MYO1H: variants seen among roughly 807,000 people sequenced by gnomAD.
The protein encoded by MYO1H is unconventional myosin-Ih.
MYO1H carries 118 observed loss-of-function variants against 149.3 expected under a neutral mutation model. That is an observed-to-expected ratio of 0.79 (90% CI 0.68 to 0.92). The LOEUF (loss-of-function observed/expected upper bound fraction) is 0.92. Among genes scored for constraint, MYO1H ranks in the 40% least tolerant of loss-of-function variants. The probability of loss-of-function intolerance (pLI) is 0.00; values close to 1 mark genes in which losing one functional copy is unlikely to be tolerated. For synonymous variants in MYO1H, 447 were observed against 465.2 expected (o/e 0.96, Z 0.50); for missense variants, 1,212 against 1,280.7 (o/e 0.95, Z 0.82).
intron 1 of MYO1H, among the ~76,000 whole-genome samples, chr12:109,358,974 C>G (rs75564693): frequency 0.032 from 4,805 of 151,834 alleles, 263 homozygotes; most frequent in African/African-American, 0.11. Flanking sequence ...GAATATACAC[C>G]CAGCCCATCA....
At chr12:109,368,211 G>A (rs1019304953) in intron 1 of MYO1H, among the ~76,000 whole-genome samples, 2 of 152,304 alleles carry the variant, frequency 1.3e-5, no homozygotes, top group East Asian at 3.9e-4. Context: ...AGGACTGTCC[G>A]CTCCTCAAGG....
intron 7 of MYO1H, among the ~76,000 whole-genome samples, chr12:109,405,020 G>A (rs548818854): frequency 6.6e-6 from 1 of 152,050 alleles, no homozygotes; most frequent in East Asian, 1.9e-4. Flanking sequence ...AGACTAGCCT[G>A]GGGAACATAG....
chr12:109,358,960 C>T (rs1868675514), intron 1 of MYO1H, among the ~76,000 whole-genome samples: 1 of 150,632 alleles, frequency 6.6e-6, no homozygotes, highest in African/African-American at 2.5e-5. Context: ...CACAGGCATT[C>T]AAGGAATATA....
intron 5 of MYO1H, among the ~76,000 whole-genome samples, chr12:109,399,502 G>A (rs539867305): frequency 1.1e-4 from 16 of 146,166 alleles, no homozygotes; most frequent in Non-Finnish European, 2.2e-4. Context: ...TGAGGCATGA[G>A]AAACACTTGA....
At chr12:109,363,306 C>T (rs1466937295) in intron 1 of MYO1H, among the ~76,000 whole-genome samples, 2 of 152,326 alleles carry the variant, frequency 1.3e-5, no homozygotes, top group Non-Finnish European at 2.9e-5. Flanking sequence ...CCCACTTACC[C>T]AGTCCTGGTG....
exon 15 of MYO1H, chr12:109,415,573 A>G (rs750749981): frequency 6.2e-7 from 1 of 1,607,386 alleles, no homozygotes; most frequent in Non-Finnish European, 8.5e-7. Context: ...GGCTGGATGG[A>G]GTTCCGACTC....
chr12:109,347,525 TC>T (rs377423691), upstream of MYO1H, among the ~76,000 whole-genome samples: 2 of 152,316 alleles, frequency 1.3e-5, no homozygotes, highest in South Asian at 4.1e-4. Context: ...AACAGGTACT[TC>T]CAGCAGGAGT....
chr12:109,441,354 G>GA (rs1247337804), intron 25 of MYO1H, among the ~76,000 whole-genome samples: 2 of 152,304 alleles, frequency 1.3e-5, no homozygotes, highest in East Asian at 1.9e-4. Flanking sequence ...TGATCTACAA[G>GA]AAACTGCTCT....
chr12:109,349,658 CAAAAAAAA>C (rs398021025), intron 1 of MYO1H, among the ~76,000 whole-genome samples: 1 of 120,406 alleles, frequency 8.3e-6, no homozygotes, highest in African/African-American at 3.1e-5. Context: ...AACCCTGTCT[CAAAAAAAA>C]AAAAAAAAAA....
chr12:109,352,631 G>A (rs1439408352), intron 1 of MYO1H, among the ~76,000 whole-genome samples: 1 of 152,124 alleles, frequency 6.6e-6, no homozygotes, highest in Admixed American at 6.5e-5. Context: ...TAAACATACA[G>A]AAAAGAAGAA....
At chr12:109,412,238 GC>G (rs1355303596) in intron 14 of MYO1H, among the ~76,000 whole-genome samples, 1 of 152,034 alleles carries the variant, frequency 6.6e-6, no homozygotes, top group Non-Finnish European at 1.5e-5. Flanking sequence ...GCTCACTGCA[GC>G]CTCAACCTCC....
At chr12:109,393,730 A>G (rs1869777717) in intron 3 of MYO1H, among the ~76,000 whole-genome samples, 1 of 152,088 alleles carries the variant, frequency 6.6e-6, no homozygotes, top group African/African-American at 2.4e-5. Flanking sequence ...TCCTTGATGC[A>G]TGTTTATTAG....
intron 7 of MYO1H, among the ~76,000 whole-genome samples, chr12:109,405,601 C>T (rs9888373): frequency 0.074 from 11,216 of 152,242 alleles, 473 homozygotes; most frequent in Middle Eastern, 0.11. Flanking sequence ...TGAGCCACCG[C>T]GCCCGGCCAT....
the MYO1H span, among the ~76,000 whole-genome samples, chr12:109,323,585 T>G: frequency 6.6e-6 from 1 of 152,176 alleles, no homozygotes; most frequent in East Asian, 1.9e-4. Context: ...TGGGAGAGGA[T>G]CTGGGATTTT....
intron 10 of MYO1H, 29 bp downstream of exon 10, chr12:109,407,942 T>C: frequency 3.1e-6 from 5 of 1,606,664 alleles, no homozygotes; most frequent in Non-Finnish European, 4.2e-6. Flanking sequence ...GATCCCTTGC[T>C]CTTGCTCACG....
intron 28 of MYO1H, 44 bp downstream of exon 28, chr12:109,443,693 A>T (rs1211512941): frequency 1.2e-6 from 2 of 1,606,312 alleles, no homozygotes; most frequent in East Asian, 4.5e-5. Context: ...GAGTTGACTC[A>T]ACTACTGGAA....
intron 31 of MYO1H, chr12:109,446,632 A>G (rs946788710): frequency 2.2e-5 from 4 of 184,608 alleles, no homozygotes; most frequent in Non-Finnish European, 4.1e-5. Flanking sequence ...GCATGGTGGC[A>G]CATGCCTATA....
At chr12:109,321,480 G>A in the MYO1H span, among the ~76,000 whole-genome samples, 1 of 152,060 alleles carries the variant, frequency 6.6e-6, no homozygotes, top group South Asian at 2.1e-4. Flanking sequence ...TTAAACCCAG[G>A]AGGTGGAGGT....
At chr12:109,334,741 T>C in the MYO1H span, among the ~76,000 whole-genome samples, 3 of 152,228 alleles carry the variant, frequency 2.0e-5, no homozygotes, top group South Asian at 2.1e-4. Flanking sequence ...TCTTCTGGCT[T>C]GTTATTTGTG....
Sources: gnomAD v4.1 joint callset for allele counts (sites outside exome capture counted in the v4.1 genomes callset) on GRCh38, gnomAD v4.1.1 for gene constraint, MANE v1.5 for transcripts, NCBI Gene and HGNC (gene_info 2026-07-23, HGNC 2026-07-21) for gene names.